The following PDGFRA variants were observed in gnomAD, a reference collection of about 807,000 sequenced individuals.
PDGFRA encodes the protein platelet derived growth factor receptor alpha.
PDGFRA carries 25 observed loss-of-function variants against 121.5 expected under a neutral mutation model. That is an observed-to-expected ratio of 0.21 (90% confidence interval 0.15 to 0.29). The LOEUF (loss-of-function observed/expected upper bound fraction) is 0.29. Among genes scored for constraint, PDGFRA ranks in the 10% least tolerant of loss-of-function variants. The pLI, the probability that PDGFRA is intolerant of heterozygous loss-of-function variation, is 1.00. For synonymous variants in PDGFRA, 463 were observed against 494.8 expected (o/e 0.94, Z 0.85); for missense variants, 1,008 against 1,345.1 (o/e 0.75, Z 3.92).
chr4:54,279,988 G>A (rs1723979663), intron 15 of PDGFRA, among the ~76,000 whole-genome samples: 1 of 151,908 alleles, frequency 6.6e-6, no homozygotes, highest in Non-Finnish European at 1.5e-5. Context: ...TGATTGATGG[G>A]CATTTGGGGT....
At chr4:54,258,102 C>T (rs1281334873) in intron 1 of PDGFRA, among the ~76,000 whole-genome samples, 3 of 152,154 alleles carry the variant, frequency 2.0e-5, no homozygotes, top group Non-Finnish European at 2.9e-5. Context: ...ACTTATCTCT[C>T]CCACTTTCTC....
chr4:54,239,645 T>C (rs1721190736), intron 1 of PDGFRA, among the ~76,000 whole-genome samples: 1 of 152,206 alleles, frequency 6.6e-6, no homozygotes, highest in Non-Finnish European at 1.5e-5. Flanking sequence ...GGCTCCTTTG[T>C]CCTTCCTAAT....
chr4:54,281,992 C>A, intron 16 of PDGFRA: 1 of 1,065,894 alleles, frequency 9.4e-7, no homozygotes, highest in Non-Finnish European at 1.1e-6. Flanking sequence ...TTTCATGTAG[C>A]TTGTATGTGT....
intron 1 of PDGFRA, among the ~76,000 whole-genome samples, chr4:54,253,974 T>C (rs1722210383): frequency 6.6e-6 from 1 of 152,220 alleles, no homozygotes; most frequent in Non-Finnish European, 1.5e-5. Context: ...AGTGAGCCAT[T>C]GTGCCTGGCC....
chr4:54,286,916 C>T (rs1724390461), intron 18 of PDGFRA, among the ~76,000 whole-genome samples: 1 of 152,158 alleles, frequency 6.6e-6, no homozygotes, highest in South Asian at 2.1e-4. Context: ...GATATATCTG[C>T]TCCCTGTAGG....
Position 54,292,904 on chromosome 4 carries a change from G to A in PDGFRA, c.3123-2221G>A, listed in dbSNP as rs562053232. Among the ~76,000 whole-genome samples, 313 of 152,118 alleles carry A rather than the reference G, an allele frequency of 2.1e-3. 1 individual carries two copies. The highest frequency in any genetic ancestry group is 3.7e-3 in the Non-Finnish European group (252 of 67,988). On this transcript the variant is annotated intron_variant, in intron 22 of 22. Coordinates refer to ENST00000257290, the MANE Select transcript of PDGFRA (RefSeq NM_006206.6). ...AGGGTGCAGGGTGGGAGAAGGAAGA[G>A]GATCAGAAAAAATACCTATCGGATA...
At chr4:54,262,923 G>T (rs1042687067) in intron 3 of PDGFRA, among the ~76,000 whole-genome samples, 12 of 152,128 alleles carry the variant, frequency 7.9e-5, no homozygotes, top group Non-Finnish European at 4.4e-5. Flanking sequence ...CCCCTGCATC[G>T]CTGTCTGACT....
At position 54,263,757 on chromosome 4, in the gene PDGFRA, C is replaced by G. The variant is rs1577709338; in HGVS notation, c.458C>G (p.Thr153Ser). ...DDSAIIPCRT[T>S]DPETPVTLHN... ...TCTGCCATTATACCTTGTCGCACAA[C>G]TGATCCCGAGACTCCTGTAACCTTA... is the stretch of plus-strand genomic sequence containing the variant. Residue 153 changes from threonine to serine, a missense_variant, in exon 4 of 23, where the codon ACT (threonine) becomes AGT (serine). Thr to Ser is a moderately conservative substitution (Grantham distance 58). Coordinates refer to ENST00000257290, the MANE Select transcript of PDGFRA (RefSeq NM_006206.6). The G allele has an allele frequency of 6.2e-7, 1 of 1,614,092 alleles. No individual in the cohort carries two copies. The highest frequency in any genetic ancestry group is 8.5e-7 in the Non-Finnish European group (1 of 1,179,990).
rs768124156 is a variant in PDGFRA, at chr4:54,278,364, C to G, written c.2005C>G (p.Pro669Ala). 1 of 1,613,228 alleles carries G rather than the reference C, an allele frequency of 6.2e-7. No individual in the cohort carries two copies. The highest frequency in any genetic ancestry group is 8.5e-7 in the Non-Finnish European group (1 of 1,179,482). The change falls in exon 15 of 23, where the codon CCC becomes GCC. Residue 669 changes from proline to alanine, a missense_variant and splice_region_variant. This residue lies in a region of PDGFRA where 61 missense variants were observed against 125.3 expected (regional missense o/e 0.49). Coordinates refer to ENST00000257290, the MANE Select transcript of PDGFRA (RefSeq NM_006206.6). Reference sequence around the variant, plus strand: ...CCTAACGGCTTTTGTCCCCATAGGCCCCATTTACATCATCACAGAGTATTG... The same window carrying G: ...CCTAACGGCTTTTGTCCCCATAGGCGCCATTTACATCATCACAGAGTATTG... ...NLLGACTKSGPIYIITEYCFY... is the reference protein window; with the variant it reads ...NLLGACTKSGAIYIITEYCFY...
chr4:54,272,558 G>A (rs2110287741), intron 9 of PDGFRA, 38 bp downstream of exon 9: 2 of 1,605,840 alleles, frequency 1.2e-6, no homozygotes, highest in Non-Finnish European at 8.5e-7. Context: ...TTCGTGGTCA[G>A]AATATTTCTC....
intron 16 of PDGFRA, 80 bp from the exon 17 acceptor site, chr4:54,285,291 G>A: frequency 2.6e-6 from 2 of 768,580 alleles, no homozygotes; most frequent in Middle Eastern, 2.3e-4. Flanking sequence ...ATTTTTGGAT[G>A]TGTTCTTTGG....
intron 5 of PDGFRA, among the ~76,000 whole-genome samples, chr4:54,266,614 A>G (rs1723041536): frequency 6.6e-6 from 1 of 152,212 alleles, no homozygotes; most frequent in Non-Finnish European, 1.5e-5. Flanking sequence ...GTTATTCTTT[A>G]AATGGTAATT....
chr4:54,254,447 C>T (rs975480082), intron 1 of PDGFRA, among the ~76,000 whole-genome samples: 1 of 152,186 alleles, frequency 6.6e-6, no homozygotes, highest in South Asian at 2.1e-4. Flanking sequence ...AAATAATCTT[C>T]CCTGGCAGTG....
chr4:54,269,610 A>AT lies in PDGFRA; in HGVS notation c.1122-1011dup, dbSNP rs796595119. 4.4e-3 allele frequency among the ~76,000 whole-genome samples: 539 copies of AT among 123,210 alleles called. 1 individual carries two copies. The highest frequency in any genetic ancestry group is 7.8e-3 in the African/African-American group (264 of 33,716). 80.8% of individuals were successfully genotyped at this position (123,210 alleles called of 152,430 possible). ...TTTAATAAAGTTTGAAGAGACATAT[A>AT]TTTTTTTTTTTTGAAGAGGCATATT... On this transcript the variant is annotated intron_variant, in intron 7 of 22. Coordinates refer to ENST00000257290, the MANE Select transcript of PDGFRA (RefSeq NM_006206.6).
intron 1 of PDGFRA, among the ~76,000 whole-genome samples, chr4:54,248,487 T>G (rs191497494): frequency 1.0e-3 from 152 of 152,336 alleles, no homozygotes; most frequent in African/African-American, 3.5e-3. Context: ...ATTTAATAAA[T>G]GGTGCTGGGA....
chr4:54,282,649 A>G (rs1724134705), intron 16 of PDGFRA, among the ~76,000 whole-genome samples: 1 of 152,172 alleles, frequency 6.6e-6, no homozygotes, highest in African/African-American at 2.4e-5. Context: ...CCCAAATCTC[A>G]TGTCCTTCTC....
At position 54,270,711 on chromosome 4, in the gene PDGFRA, T is replaced by C. The variant is rs769996764; in HGVS notation, c.1200T>C (p.Asp400=). 4 of 1,604,788 alleles carry C rather than the reference T, an allele frequency of 2.5e-6. No homozygotes were observed. Among genetic ancestry groups the C allele is most frequent in the Non-Finnish European group, 2.6e-6 (3 of 1,171,566 alleles). Residue 400 remains aspartate, a synonymous_variant, in exon 8 of 23, where the codon GAT becomes GAC. Coordinates refer to ENST00000257290, the MANE Select transcript of PDGFRA (RefSeq NM_006206.6). ...ATACTATTGTAGCTCAAAATGAAGA[T>C]GCTGTGAAGAGCTATACTTTTGAAC... The part of the protein sequence containing the change: ...GHYTIVAQNE[D]AVKSYTFELL...
intron 1 of PDGFRA, among the ~76,000 whole-genome samples, chr4:54,247,390 G>C (rs555218189): frequency 6.6e-6 from 1 of 152,144 alleles, no homozygotes; most frequent in Non-Finnish European, 1.5e-5. Flanking sequence ...TTGGCTTCAT[G>C]CCTGGGATGC....
chr4:54,278,040 T>C (rs761005390), intron 14 of PDGFRA, 34 bp downstream of exon 14: 2 of 1,207,714 alleles, frequency 1.7e-6, no homozygotes, highest in East Asian at 2.3e-5. Context: ...GGATTTTCAC[T>C]GGACACATGT....
Sources: gnomAD v4.1 joint callset for allele counts (sites outside exome capture counted in the v4.1 genomes callset) on GRCh38, gnomAD v4.1.1 for gene constraint, gnomAD v4.1.1 regional missense constraint, MANE v1.5 for transcripts, NCBI Gene and HGNC (gene_info 2026-07-23, HGNC 2026-07-21) for gene names.